Variants in SGCZ observed in about 807,000 individuals in gnomAD.
The protein encoded by SGCZ is sarcoglycan zeta, also known as zeta-sarcoglycan.
SGCZ carries 40 observed loss-of-function variants against 41.3 expected under a neutral mutation model. The observed-to-expected ratio is 0.97, with a 90% confidence interval of 0.75 to 1.26. The LOEUF (loss-of-function observed/expected upper bound fraction) is 1.26, where lower values mean the gene tolerates loss of function less well. Among genes scored for constraint, SGCZ ranks in the 50% most tolerant of loss-of-function variants. The pLI is 0.00. For synonymous variants in SGCZ, 206 were observed against 137.5 expected (o/e 1.50, Z -3.49); for missense variants, 552 against 369.8 (o/e 1.49, Z -4.04).
intron 1 of SGCZ, among the ~76,000 whole-genome samples, chr8:14,776,089 A>G (rs562161029): frequency 1.3e-5 from 2 of 152,230 alleles, no homozygotes; most frequent in South Asian, 4.1e-4. Context: ...TGATACTGGA[A>G]GAGAAAAAAG....
At chr8:14,723,577 G>A (rs973186948) in intron 1 of SGCZ, among the ~76,000 whole-genome samples, 3 of 152,092 alleles carry the variant, frequency 2.0e-5, no homozygotes, top group African/African-American at 7.2e-5. Flanking sequence ...CCATTGAGAG[G>A]CTCTGACCCC....
intron 3 of SGCZ, among the ~76,000 whole-genome samples, chr8:14,274,273 T>C (rs1363253511): frequency 6.6e-5 from 10 of 152,162 alleles, no homozygotes; most frequent in Admixed American, 6.6e-4. Flanking sequence ...ACCTCTTTTG[T>C]GGAGTTCACT....
chr8:14,140,491 T>A (rs1288541886), intron 5 of SGCZ, among the ~76,000 whole-genome samples: 1 of 152,110 alleles, frequency 6.6e-6, no homozygotes, highest in Non-Finnish European at 1.5e-5. Context: ...ACAAAATCAA[T>A]GTACAAAAAT....
At chr8:14,430,548 T>C (rs757279179) in intron 2 of SGCZ, among the ~76,000 whole-genome samples, 3 of 152,044 alleles carry the variant, frequency 2.0e-5, no homozygotes, top group Non-Finnish European at 4.4e-5. Flanking sequence ...CCTATTTCAA[T>C]GTAATAAAAG....
At chr8:14,547,023 T>C (rs986518213) in intron 2 of SGCZ, among the ~76,000 whole-genome samples, 2 of 151,768 alleles carry the variant, frequency 1.3e-5, no homozygotes, top group African/African-American at 4.8e-5. Context: ...ATAATCTTGC[T>C]GGAAAAAAAA....
chr8:14,504,259 T>A (rs984095847), intron 2 of SGCZ, among the ~76,000 whole-genome samples: 1 of 152,232 alleles, frequency 6.6e-6, no homozygotes, highest in African/African-American at 2.4e-5. Flanking sequence ...TTTTAAAGTA[T>A]AAAAGATTTT....
intron 2 of SGCZ, among the ~76,000 whole-genome samples, chr8:14,442,744 G>T (rs1333516815): frequency 6.6e-6 from 1 of 152,068 alleles, no homozygotes; most frequent in Non-Finnish European, 1.5e-5. Context: ...TTGTTTCATT[G>T]ATTGACCTTA....
intron 2 of SGCZ, among the ~76,000 whole-genome samples, chr8:14,341,845 G>T (rs1275505072): frequency 2.0e-5 from 3 of 152,144 alleles, no homozygotes; most frequent in Non-Finnish European, 4.4e-5. Context: ...CCATGATTCT[G>T]AAGCCTCCCA....
intron 2 of SGCZ, among the ~76,000 whole-genome samples, chr8:14,465,336 C>A (rs1452738241): frequency 1.3e-5 from 2 of 151,554 alleles, no homozygotes; most frequent in East Asian, 1.9e-4. Context: ...CTTGTGGAAC[C>A]TTTTCTTAAG....
chr8:15,079,020 C>G (rs73205443), intron 1 of SGCZ, among the ~76,000 whole-genome samples: 1 of 152,050 alleles, frequency 6.6e-6, no homozygotes, highest in East Asian at 1.9e-4. Flanking sequence ...TATCTTTGAG[C>G]CTTGGCTTTA....
chr8:14,715,399 C>T (rs1031975133), intron 1 of SGCZ, among the ~76,000 whole-genome samples: 1 of 151,988 alleles, frequency 6.6e-6, no homozygotes, highest in Admixed American at 6.6e-5. Context: ...CTGGCCTAAG[C>T]GAAGACTGTG....
chr8:14,998,117 A>T (rs891041139), intron 1 of SGCZ, among the ~76,000 whole-genome samples: 1 of 152,204 alleles, frequency 6.6e-6, no homozygotes, highest in Admixed American at 6.5e-5. Flanking sequence ...TTTCAAATGT[A>T]TAATAGAAAA....
intron 2 of SGCZ, among the ~76,000 whole-genome samples, chr8:14,360,918 G>C (rs894964133): frequency 3.3e-5 from 5 of 152,112 alleles, no homozygotes; most frequent in African/African-American, 1.2e-4. Context: ...CAAGGGACGA[G>C]TGATCTAGTT....
intron 1 of SGCZ, among the ~76,000 whole-genome samples, chr8:14,770,937 G>C (rs900012898): frequency 2.0e-5 from 3 of 152,028 alleles, no homozygotes; most frequent in Non-Finnish European, 4.4e-5. Context: ...AAAATAAATA[G>C]AATTTGCCTG....
At chr8:14,556,127 C>A (rs1195949477) in intron 1 of SGCZ, among the ~76,000 whole-genome samples, 3 of 151,652 alleles carry the variant, frequency 2.0e-5, no homozygotes, top group Non-Finnish European at 4.4e-5. Context: ...TATGAATAAG[C>A]ACTGAATATG....
intron 1 of SGCZ, among the ~76,000 whole-genome samples, chr8:14,702,963 A>AGATC (rs1295806584): frequency 7.1e-6 from 1 of 140,780 alleles, no homozygotes; most frequent in East Asian, 2.1e-4. Flanking sequence ...ATAGATAGAT[A>AGATC]GATAGATAGA....
At chr8:14,249,780 T>C (rs1291132708) in intron 3 of SGCZ, among the ~76,000 whole-genome samples, 1 of 152,122 alleles carries the variant, frequency 6.6e-6, no homozygotes. Context: ...TTCAAATGAC[T>C]GGAGCGATTT....
intron 2 of SGCZ, among the ~76,000 whole-genome samples, chr8:14,466,500 T>C (rs1801054661): frequency 6.6e-6 from 1 of 151,986 alleles, no homozygotes; most frequent in Non-Finnish European, 1.5e-5. Context: ...TGGATCTTTA[T>C]ACTCTTGAAA....
intron 2 of SGCZ, among the ~76,000 whole-genome samples, chr8:14,337,329 AT>A (rs1802540109): frequency 6.6e-6 from 1 of 152,140 alleles, no homozygotes; most frequent in South Asian, 2.1e-4. Flanking sequence ...GGAAGAGACT[AT>A]TATCTATTTA....
Sources: gnomAD v4.1 joint callset for allele counts (sites outside exome capture counted in the v4.1 genomes callset) on GRCh38, gnomAD v4.1.1 for gene constraint, MANE v1.5 for transcripts, NCBI Gene and HGNC (gene_info 2026-07-23, HGNC 2026-07-21) for gene names.